TEC: variants seen among roughly 807,000 people sequenced by gnomAD.
TEC encodes tec protein tyrosine kinase.
A neutral mutation model predicts 93.0 loss-of-function variants in TEC; 72 were observed. That is an observed-to-expected ratio of 0.77 (90% CI 0.64 to 0.94). TEC has a LOEUF of 0.94. TEC is among the 40% of genes least tolerant of loss of function. The pLI, the probability that TEC is intolerant of heterozygous loss-of-function variation, is 0.00. For synonymous variants in TEC, 249 were observed against 247.7 expected (o/e 1.01, Z -0.05); for missense variants, 630 against 757.9 (o/e 0.83, Z 1.98).
chr4:48,179,374 ATATTTTTTTTTTTT>A (rs1721491576), intron 2 of TEC, among the ~76,000 whole-genome samples: 1 of 21,580 alleles, frequency 4.6e-5, no homozygotes, highest in Admixed American at 8.2e-4. Flanking sequence ...ATATATATAT[ATATTTTTTTTTTTT>A]TTTTTTTTTT....
rs747111814 is a variant in TEC at position 48,146,385 on chromosome 4, G to C, written c.1021C>G (p.Leu341Val). Reference protein sequence around the residue: ...KHNAAGLVTRLRYPVSVKGKN... With the variant: ...KHNAAGLVTRVRYPVSVKGKN... ...CCTTTCACACTAACTGGGTACCGAA[G>C]CCTGGTGACAAGTCCTAATAATCAA... Residue 341 changes from leucine to valine, a missense_variant, in exon 12 of 18, where the codon CTT becomes GTT. By Grantham distance (32) the Leu-to-Val change is conservative. Around this residue, in one of 3 missense-constraint regions of TEC, gnomAD observed 289 missense variants for 390.0 expected, o/e 0.74. Coordinates refer to ENST00000381501, the MANE Select transcript of TEC (RefSeq NM_003215.3). 1 of 1,613,730 alleles carries C rather than the reference G, an allele frequency of 6.2e-7. No homozygotes were observed. Among genetic ancestry groups the C allele is most frequent in the East Asian group, 2.2e-5 (1 of 44,858 alleles).
chr4:48,209,084 C>T (rs1722808320), intron 2 of TEC, among the ~76,000 whole-genome samples: 1 of 152,172 alleles, frequency 6.6e-6, no homozygotes, highest in Non-Finnish European at 1.5e-5. Flanking sequence ...TCCACCACTC[C>T]CCATCAATGC....
chr4:48,257,834 G>A (rs1724386668), intron 1 of TEC, among the ~76,000 whole-genome samples: 1 of 152,142 alleles, frequency 6.6e-6, no homozygotes, highest in Non-Finnish European at 1.5e-5. Flanking sequence ...TTGGATGGAA[G>A]TATTTTCCTC....
rs539767886 is a variant in TEC, at chr4:48,260,416, G to A, written c.-46+9336C>T. Among the ~76,000 whole-genome samples the A allele has an allele frequency of 4.6e-5, 7 of 152,224 alleles. No homozygotes were observed. In the South Asian group the frequency reaches 1.0e-3, roughly 23 times the overall value. ...CTGGCCAACATAGCAAGGCCTCATC[G>A]CTGCTTAATTTTCGTTTCAATGAGC... is the stretch of plus-strand genomic sequence containing the variant. On this transcript the variant is annotated intron_variant, in intron 1 of 17. Coordinates refer to ENST00000381501, the MANE Select transcript of TEC (RefSeq NM_003215.3).
intron 1 of TEC, among the ~76,000 whole-genome samples, chr4:48,245,859 C>T (rs1426874017): frequency 2.6e-5 from 4 of 152,110 alleles, no homozygotes; most frequent in Admixed American, 6.5e-5. Context: ...GCCTGTAATC[C>T]CAGCACTTTG....
At chr4:48,214,567 G>A (rs1723010923) in intron 2 of TEC, among the ~76,000 whole-genome samples, 1 of 152,136 alleles carries the variant, frequency 6.6e-6, no homozygotes, top group Non-Finnish European at 1.5e-5. Flanking sequence ...TAAATTACAT[G>A]AGGACTGGGT....
At chr4:48,150,402 G>T (rs1020563410) in intron 10 of TEC, among the ~76,000 whole-genome samples, 44 of 152,088 alleles carry the variant, frequency 2.9e-4, no homozygotes, top group African/African-American at 9.7e-4. Flanking sequence ...TATCACTTGG[G>T]AGAGCGTTCA....
At chr4:48,201,315 T>C (rs1349661504) in intron 2 of TEC, among the ~76,000 whole-genome samples, 1 of 152,120 alleles carries the variant, frequency 6.6e-6, no homozygotes, top group African/African-American at 2.4e-5. Context: ...GAGATACCTG[T>C]GAGAACTCAG....
intron 15 of TEC, among the ~76,000 whole-genome samples, chr4:48,140,700 T>A (rs1220899417): frequency 1.3e-5 from 2 of 152,244 alleles, no homozygotes; most frequent in Non-Finnish European, 2.9e-5. Flanking sequence ...TTTCAGATTT[T>A]TTTTTACATG....
intron 2 of TEC, among the ~76,000 whole-genome samples, chr4:48,217,106 A>AT (rs113196778): frequency 4.5e-4 from 67 of 147,750 alleles, no homozygotes; most frequent in East Asian, 9.8e-4. Flanking sequence ...GTAACAAGTG[A>AT]TTTTTTTTTT....
At chr4:48,212,659 T>A (rs1452884063) in intron 2 of TEC, among the ~76,000 whole-genome samples, 4 of 152,176 alleles carry the variant, frequency 2.6e-5, no homozygotes, top group African/African-American at 2.4e-5. Flanking sequence ...AACCTTGAAA[T>A]CCTCTAGGCA....
intron 8 of TEC, among the ~76,000 whole-genome samples, chr4:48,161,660 G>A (rs986988415): frequency 2.7e-5 from 4 of 149,664 alleles, no homozygotes; most frequent in Admixed American, 1.3e-4. Context: ...TTAATATTGA[G>A]TGTCAACTTG....
At chr4:48,148,682 A>G (rs1425551742) in intron 11 of TEC, among the ~76,000 whole-genome samples, 1 of 152,190 alleles carries the variant, frequency 6.6e-6, no homozygotes, top group Non-Finnish European at 1.5e-5. Flanking sequence ...TGAACTTTTT[A>G]AACTTTTAAG....
chr4:48,231,618 G>A (rs1365758514), intron 1 of TEC, among the ~76,000 whole-genome samples: 3 of 152,094 alleles, frequency 2.0e-5, no homozygotes, highest in East Asian at 1.9e-4. Flanking sequence ...TTAGCCAGGC[G>A]TGGTGGCGGG....
intron 8 of TEC, among the ~76,000 whole-genome samples, chr4:48,163,259 A>G (rs1397101943): frequency 6.6e-6 from 1 of 152,238 alleles, no homozygotes; most frequent in African/African-American, 2.4e-5. Flanking sequence ...GGAAATAAGC[A>G]TGATTCTATC....
At chr4:48,234,701 A>T (rs1723737672) in intron 1 of TEC, among the ~76,000 whole-genome samples, 2 of 152,244 alleles carry the variant, frequency 1.3e-5, no homozygotes, top group African/African-American at 4.8e-5. Flanking sequence ...AACAATAGTG[A>T]TAATCTTACT....
chr4:48,226,862 GT>G (rs1330740241), intron 2 of TEC, among the ~76,000 whole-genome samples: 1 of 152,078 alleles, frequency 6.6e-6, no homozygotes, highest in East Asian at 1.9e-4. Flanking sequence ...TTTAAAATCT[GT>G]TTTAGGTTTC....
In TEC at chr4:48,150,959, G is replaced by A; in HGVS notation, c.793-17C>T. The A allele has an allele frequency of 6.4e-7, 1 of 1,555,332 alleles. No homozygotes were observed. The highest frequency in any genetic ancestry group is 8.7e-7 in the Non-Finnish European group (1 of 1,154,252). The stretch of plus-strand genomic sequence containing the variant: ...TTCTTTATCCTAAAATCCAAGTTCA[G>A]AAAAAATTTTTTTTACTCTAATTAC... On this transcript the variant is annotated splice_polypyrimidine_tract_variant and intron_variant, in intron 9 of 17. Coordinates refer to ENST00000381501, the MANE Select transcript of TEC (RefSeq NM_003215.3).
chr4:48,219,582 G>A (rs1050565640), intron 2 of TEC, among the ~76,000 whole-genome samples: 6 of 152,196 alleles, frequency 3.9e-5, no homozygotes, highest in African/African-American at 1.4e-4. Context: ...TATAAGTGCA[G>A]AGAAGAAAAT....
Sources: gnomAD v4.1 joint callset for allele counts (sites outside exome capture counted in the v4.1 genomes callset) on GRCh38, gnomAD v4.1.1 for gene constraint, gnomAD v4.1.1 regional missense constraint, MANE v1.5 for transcripts, NCBI Gene and HGNC (gene_info 2026-07-23, HGNC 2026-07-21) for gene names.